RGS7: variants seen among roughly 807,000 people sequenced by gnomAD.
The protein encoded by RGS7 is regulator of G protein signaling 7.
A neutral mutation model predicts 81.1 loss-of-function variants in RGS7; 27 were observed. The ratio of observed to expected loss-of-function variants is 0.33; its 90% confidence interval spans 0.25 to 0.46. The LOEUF (loss-of-function observed/expected upper bound fraction) is 0.46, where lower values mean the gene tolerates loss of function less well. Ranked by LOEUF, RGS7 falls within the 20% of genes least tolerant of loss-of-function variation. The pLI, the probability that RGS7 is intolerant of heterozygous loss-of-function variation, is 1.00. For missense variants in RGS7, 396 were observed against 607.4 expected, an observed-to-expected ratio of 0.65 and a Z score of 3.66; for synonymous variants, 208 against 207.7, an observed-to-expected ratio of 1.00 and a Z score of -0.01.
intron 2 of RGS7, among the ~76,000 whole-genome samples, chr1:241,259,667 A>T (rs112969635): frequency 0.014 from 672 of 49,152 alleles, 38 homozygotes; most frequent in East Asian, 0.044. Flanking sequence ...AAAAAAAAAA[A>T]ATATATATAT....
chr1:241,317,815 T>C (rs1246589837), intron 2 of RGS7, among the ~76,000 whole-genome samples: 1 of 152,374 alleles, frequency 6.6e-6, no homozygotes, highest in Non-Finnish European at 1.5e-5. Flanking sequence ...GGATATATTT[T>C]TAGGTTCTAA....
chr1:240,820,450 T>C (rs573006618), intron 10 of RGS7, among the ~76,000 whole-genome samples: 2 of 152,044 alleles, frequency 1.3e-5, no homozygotes, highest in Admixed American at 6.5e-5. Context: ...ACTAGAAAAA[T>C]TATCCCGTTT....
rs1553320677 is a variant in RGS7, at chr1:241,327,146, G to GAAA, written c.78+28552_78+28553insTTT. On this transcript the variant is annotated intron_variant, in intron 2 of 18. Coordinates refer to ENST00000440928, the MANE Select transcript of RGS7 (RefSeq NM_001364886.1). Reference sequence around the variant, plus strand: ...AGAAAGAAAGAAAGAAAGAAAGAAAGGAAAGAAAGAAAGAAAGAAACACAC... The same window carrying GAAA: ...AGAAAGAAAGAAAGAAAGAAAGAAAGAAAGAAAGAAAGAAAGAAAGAAACACAC... Among the ~76,000 whole-genome samples, 370 of 92,188 alleles carry GAAA rather than the reference G, an allele frequency of 4.0e-3. 11 individuals are homozygous for GAAA. Among genetic ancestry groups the GAAA allele is most frequent in the Non-Finnish European group, 4.7e-3 (186 of 39,164 alleles). 60.5% of individuals were successfully genotyped at this position (92,188 alleles called of 152,430 possible). A position where few individuals can be genotyped will look rare whatever the true frequency, so the allele number is the denominator to read the frequency against.
At chr1:241,004,493 G>T (rs567422144) in intron 3 of RGS7, among the ~76,000 whole-genome samples, 12 of 152,186 alleles carry the variant, frequency 7.9e-5, no homozygotes, top group African/African-American at 2.6e-4. Flanking sequence ...CCCTCTGAAG[G>T]TTCATTGAAA....
chr1:241,287,057 C>T (rs2078847941), intron 2 of RGS7, among the ~76,000 whole-genome samples: 1 of 152,182 alleles, frequency 6.6e-6, no homozygotes. Flanking sequence ...ATAGACATCA[C>T]AAAATTATTC....
At chr1:241,344,510 G>C (rs2082766581) in intron 2 of RGS7, among the ~76,000 whole-genome samples, 1 of 152,302 alleles carries the variant, frequency 6.6e-6, no homozygotes, top group African/African-American at 2.4e-5. Flanking sequence ...CCACTTTACA[G>C]ATGTGGAAAT....
intron 3 of RGS7, among the ~76,000 whole-genome samples, chr1:241,090,017 G>A (rs2063776973): frequency 6.8e-6 from 1 of 147,074 alleles, no homozygotes; most frequent in Non-Finnish European, 1.5e-5. Context: ...AAAAAAGAGA[G>A]AGAGAACAGG....
In RGS7 at chr1:241,203,470, T is replaced by C. The variant is rs1446875449; in HGVS notation, c.79-104708A>G. On this transcript the variant is annotated intron_variant, in intron 2 of 18. Transcript: ENST00000440928. ...TGGTCTCGATCTCCTGACCTTGTGA[T>C]CTGCCCACCTCGGGCTCCCAAAGTG... Among the ~76,000 whole-genome samples, 3 of 152,148 alleles carry C rather than the reference T, an allele frequency of 2.0e-5. No individual in the cohort carries two copies. In the East Asian group the frequency reaches 5.8e-4, roughly 29 times the overall value.
intron 2 of RGS7, among the ~76,000 whole-genome samples, chr1:241,223,128 G>A (rs1454357397): frequency 2.0e-5 from 3 of 152,028 alleles, no homozygotes; most frequent in South Asian, 2.1e-4. Context: ...GCTATAGATC[G>A]AGAACCACTA....
chr1:241,007,037 C>T lies in RGS7; in HGVS notation c.176-23908G>A, dbSNP rs373454929. Among the ~76,000 whole-genome samples the T allele has an allele frequency of 6.6e-4, 101 of 152,246 alleles. 3 individuals carry two copies. The highest frequency in any genetic ancestry group is 2.3e-3 in the African/African-American group (96 of 41,542). ...GATCAAGCGATTCTCCTGTCTCAGC[C>T]TCCTGAGTAGTTGGGATTATAGACA... On this transcript the variant is annotated intron_variant, in intron 3 of 18. Coordinates refer to ENST00000440928, the MANE Select transcript of RGS7 (RefSeq NM_001364886.1).
intron 2 of RGS7, among the ~76,000 whole-genome samples, chr1:241,268,462 A>T (rs542842900): frequency 1.3e-5 from 2 of 152,250 alleles, no homozygotes; most frequent in Admixed American, 1.3e-4. Flanking sequence ...ATGTCTCTAG[A>T]TATGGGCCAA....
intron 2 of RGS7, among the ~76,000 whole-genome samples, chr1:241,121,401 G>A (rs867061031): frequency 1.3e-5 from 2 of 152,138 alleles, no homozygotes; most frequent in African/African-American, 2.4e-5. Context: ...TAGGTTGAGC[G>A]ATGAAAGGAC....
intron 3 of RGS7, among the ~76,000 whole-genome samples, chr1:240,999,480 G>A (rs191510147): frequency 6.6e-6 from 1 of 152,272 alleles, no homozygotes; most frequent in Admixed American, 6.5e-5. Flanking sequence ...GTTTGTCATG[G>A]ATACTTCAAA....
At chr1:241,087,226 A>G (rs532327220) in intron 3 of RGS7, among the ~76,000 whole-genome samples, 1 of 152,234 alleles carries the variant, frequency 6.6e-6, no homozygotes, top group South Asian at 2.1e-4. Context: ...CACTTCAAAG[A>G]AAACAAGGGA....
chr1:241,153,353 T>A (rs927969988), intron 2 of RGS7, among the ~76,000 whole-genome samples: 5 of 152,182 alleles, frequency 3.3e-5, no homozygotes, highest in African/African-American at 1.2e-4. Context: ...ACATGAGTAA[T>A]CATTGCTGAG....
At chr1:241,109,815 G>A (rs544422593) in intron 2 of RGS7, among the ~76,000 whole-genome samples, 7 of 151,848 alleles carry the variant, frequency 4.6e-5, no homozygotes, top group South Asian at 4.2e-4. Context: ...AAAATTAGCC[G>A]GGCTTAGTGT....
intron 3 of RGS7, among the ~76,000 whole-genome samples, chr1:241,005,136 A>G (rs1272728522): frequency 6.6e-6 from 1 of 152,168 alleles, no homozygotes; most frequent in Non-Finnish European, 1.5e-5. Flanking sequence ...TTCCTCCCCC[A>G]TTCTTTATGG....
chr1:241,033,713 C>T (rs1025784154), intron 3 of RGS7, among the ~76,000 whole-genome samples: 3 of 152,084 alleles, frequency 2.0e-5, no homozygotes, highest in African/African-American at 2.4e-5. Flanking sequence ...AACTCTATGA[C>T]GGTTTCCTAA....
chr1:241,282,665 G>C (rs775849522), intron 2 of RGS7, among the ~76,000 whole-genome samples: 5 of 152,152 alleles, frequency 3.3e-5, no homozygotes, highest in South Asian at 2.1e-4. Context: ...AAAGCATTCA[G>C]TCTTTCACCA....
Sources: gnomAD v4.1 joint callset for allele counts (sites outside exome capture counted in the v4.1 genomes callset) on GRCh38, gnomAD v4.1.1 for gene constraint, MANE v1.5 for transcripts, NCBI Gene and HGNC (gene_info 2026-07-23, HGNC 2026-07-21) for gene names.